Variants in SH3D19 observed in about 807,000 individuals in gnomAD.
SH3D19 encodes SH3 domain-containing protein 19.
SH3D19 carries 58 observed loss-of-function variants against 112.1 expected under a neutral mutation model. The observed-to-expected ratio is 0.52, with a 90% CI of 0.42 to 0.64. The LOEUF is 0.64. Ranked by LOEUF, SH3D19 falls within the 30% of genes least tolerant of loss-of-function variation. SH3D19 has a pLI of 0.00. For missense variants in SH3D19, 1,090 were observed against 1,263.4 expected, an observed-to-expected ratio of 0.86 and a Z score of 2.08; for synonymous variants, 391 against 448.5, an observed-to-expected ratio of 0.87 and a Z score of 1.62.
At chr4:151,195,095 G>A (rs1439846668) in intron 2 of SH3D19, among the ~76,000 whole-genome samples, 3 of 150,798 alleles carry the variant, frequency 2.0e-5, no homozygotes, top group Non-Finnish European at 4.4e-5. Flanking sequence ...AAAAGGTTGG[G>A]CGCGGTGGCT....
chr4:151,284,069 A>G (rs1774506311), intron 1 of SH3D19, among the ~76,000 whole-genome samples: 1 of 151,976 alleles, frequency 6.6e-6, no homozygotes, highest in Non-Finnish European at 1.5e-5. Flanking sequence ...CATTTATCCT[A>G]TTTGGGGTTC....
chr4:151,146,314 T>G (rs537987109), intron 11 of SH3D19, among the ~76,000 whole-genome samples: 2 of 151,884 alleles, frequency 1.3e-5, no homozygotes, highest in South Asian at 4.2e-4. Context: ...TTTTTTTTTT[T>G]AAAAAAGAGT....
chr4:151,301,281 G>A (rs545768002), intron 1 of SH3D19, among the ~76,000 whole-genome samples: 9 of 152,212 alleles, frequency 5.9e-5, no homozygotes, highest in African/African-American at 1.2e-4. Context: ...AGGCTGGAGC[G>A]CAATGGCGCA....
At chr4:151,132,613 T>G (rs1393159682) in intron 16 of SH3D19, among the ~76,000 whole-genome samples, 1 of 152,230 alleles carries the variant, frequency 6.6e-6, no homozygotes, top group Non-Finnish European at 1.5e-5. Flanking sequence ...TAACAGTCTA[T>G]AGTTCATTTC....
At chr4:151,194,526 T>C (rs1042708988) in intron 2 of SH3D19, among the ~76,000 whole-genome samples, 1 of 151,586 alleles carries the variant, frequency 6.6e-6, no homozygotes, top group African/African-American at 2.4e-5. Context: ...TCAATTCTCC[T>C]GCCTCAGCCT....
At chr4:151,254,189 T>C (rs186041742) in intron 1 of SH3D19, among the ~76,000 whole-genome samples, 15 of 152,240 alleles carry the variant, frequency 9.9e-5, no homozygotes, top group African/African-American at 3.4e-4. Flanking sequence ...TGATCACATA[T>C]GTTAAACTAT....
intron 12 of SH3D19, among the ~76,000 whole-genome samples, chr4:151,143,239 A>G (rs1753334107): frequency 6.6e-6 from 1 of 152,074 alleles, no homozygotes; most frequent in Non-Finnish European, 1.5e-5. Flanking sequence ...CAAAAAAAAA[A>G]AAAAAAATTC....
At chr4:151,126,033 G>C (rs1052032081) in intron 19 of SH3D19, among the ~76,000 whole-genome samples, 2 of 151,978 alleles carry the variant, frequency 1.3e-5, no homozygotes, top group Admixed American at 6.6e-5. Context: ...TTCAGTCAAG[G>C]CATCCCCCCT....
chr4:151,264,172 T>C (rs551641847), intron 1 of SH3D19, among the ~76,000 whole-genome samples: 2 of 152,028 alleles, frequency 1.3e-5, no homozygotes, highest in Admixed American at 6.6e-5. Flanking sequence ...CTCACTCACG[T>C]CTGTAATCCC....
chr4:151,144,935 T>C (rs2149769371), intron 11 of SH3D19, among the ~76,000 whole-genome samples: 1 of 152,254 alleles, frequency 6.6e-6, no homozygotes, highest in Non-Finnish European at 1.5e-5. Context: ...ATAAAAGGCA[T>C]ACCCAGGAAA....
intron 8 of SH3D19, 132 bp from the exon 9 acceptor site, chr4:151,159,484 A>C: frequency 1.7e-6 from 1 of 604,648 alleles, no homozygotes; most frequent in Non-Finnish European, 2.9e-6. Context: ...GCAAATGAGA[A>C]AGAGCTCCCA....
At chr4:151,158,129 A>G (rs1343063929) in intron 9 of SH3D19, among the ~76,000 whole-genome samples, 1 of 152,198 alleles carries the variant, frequency 6.6e-6, no homozygotes, top group Admixed American at 6.5e-5. Context: ...TTGAGATGAC[A>G]GATATGCTTA....
At chr4:151,249,767 CT>C (rs1771216227) in intron 1 of SH3D19, among the ~76,000 whole-genome samples, 1 of 152,190 alleles carries the variant, frequency 6.6e-6, no homozygotes, top group Admixed American at 6.5e-5. Flanking sequence ...CTTTCTTCCC[CT>C]GATCACTTTC....
intron 1 of SH3D19, among the ~76,000 whole-genome samples, chr4:151,299,244 G>GT (rs1728092079): frequency 1.3e-5 from 2 of 152,190 alleles, no homozygotes; most frequent in South Asian, 4.1e-4. Flanking sequence ...AAAGAAATCT[G>GT]TATCAACACA....
chr4:151,132,335 G>A lies in SH3D19; in HGVS notation c.2738C>T (p.Ser913Phe), dbSNP rs752304342. ...KTKKEDSGSN[S>F]QVNSLPAEWC... ...TCATCTGTTCAAGCAGCCTACCTGA[G>A]AGTTTGAGCCAGAATCTTCTTTTTT... The change falls in exon 17 of 20, where the codon TCT becomes TTT. Residue 913 changes from serine (S) to phenylalanine (F), a missense_variant. Coordinates refer to ENST00000604030, the MANE Select transcript of SH3D19 (RefSeq NM_001378122.1). 1.7e-5 allele frequency: 28 copies of A among 1,613,898 alleles called. No individual in the cohort carries two copies. In the East Asian group the frequency reaches 4.7e-4, roughly 27 times the overall value.
At chr4:151,213,455 G>A (rs1293558012) in intron 2 of SH3D19, among the ~76,000 whole-genome samples, 3 of 151,922 alleles carry the variant, frequency 2.0e-5, no homozygotes, top group Non-Finnish European at 4.4e-5. Flanking sequence ...GACCAGCCTG[G>A]GCAACATGGT....
At chr4:151,321,335 C>G (rs944657616) in intron 1 of SH3D19, among the ~76,000 whole-genome samples, 1 of 152,094 alleles carries the variant, frequency 6.6e-6, no homozygotes, top group East Asian at 1.9e-4. Flanking sequence ...CTATTCCCCC[C>G]ACCCTCCACT....
chr4:151,309,324 T>C (rs1284426804), intron 1 of SH3D19, among the ~76,000 whole-genome samples: 1 of 152,222 alleles, frequency 6.6e-6, no homozygotes, highest in African/African-American at 2.4e-5. Flanking sequence ...CTGTTCTTTA[T>C]GTGGAGCCTA....
Position 151,232,852 on chromosome 4 carries a change from C to T in SH3D19, c.113-6766G>A, listed in dbSNP as rs555339265. On this transcript the variant is annotated intron_variant, in intron 1 of 19. Coordinates refer to ENST00000604030, the MANE Select transcript of SH3D19 (RefSeq NM_001378122.1). The stretch of plus-strand genomic sequence containing the variant: ...CCACAAACTTAGCAGCTTAAGACAA[C>T]AAAAATGTATTATCTTAAAGTTCTA... Among the ~76,000 whole-genome samples the T allele has an allele frequency of 5.3e-5, 8 of 151,818 alleles. No individual in the cohort carries two copies. In the South Asian group the frequency reaches 1.5e-3, roughly 28 times the overall value.
Sources: gnomAD v4.1 joint callset for allele counts (sites outside exome capture counted in the v4.1 genomes callset) on GRCh38, gnomAD v4.1.1 for gene constraint, MANE v1.5 for transcripts, NCBI Gene and HGNC (gene_info 2026-07-23, HGNC 2026-07-21) for gene names.